The following PEX7 variants were observed in gnomAD, a reference collection of about 807,000 sequenced individuals.
PEX7 encodes the protein peroxisomal biogenesis factor 7, also known as PTS2 receptor.
Under a neutral mutation model 47.5 loss-of-function variants are expected in PEX7, and 34 were observed. That is an observed-to-expected ratio of 0.72 (90% CI 0.54 to 0.95). The LOEUF is 0.95. PEX7 is among the 40% of genes least tolerant of loss of function. The pLI is 0.00. For synonymous variants in PEX7, 141 were observed against 148.8 expected (o/e 0.95, Z 0.38); for missense variants, 394 against 400.3 (o/e 0.98, Z 0.13).
chr6:136,887,175 G>C (rs1329810794), intron 8 of PEX7, among the ~76,000 whole-genome samples: 3 of 151,976 alleles, frequency 2.0e-5, no homozygotes, highest in African/African-American at 7.3e-5. Flanking sequence ...ATTTCATAAG[G>C]AGGCAGCATG....
At chr6:136,832,087 C>T (rs1273473382) in intron 3 of PEX7, among the ~76,000 whole-genome samples, 1 of 152,246 alleles carries the variant, frequency 6.6e-6, no homozygotes, top group Non-Finnish European at 1.5e-5. Context: ...GAGGGCTCCT[C>T]CCTTGCAGCA....
intron 9 of PEX7, among the ~76,000 whole-genome samples, chr6:136,907,627 A>T (rs1442507210): frequency 6.6e-6 from 1 of 152,168 alleles, no homozygotes; most frequent in Admixed American, 6.5e-5. Context: ...AAATAGAGAA[A>T]AAAAGGGTAT....
At chr6:136,865,942 G>A (rs897786930) in intron 5 of PEX7, among the ~76,000 whole-genome samples, 1 of 152,062 alleles carries the variant, frequency 6.6e-6, no homozygotes, top group Non-Finnish European at 1.5e-5. Flanking sequence ...AATTAGCTGG[G>A]CGTGGTGGTG....
At chr6:136,847,064 G>C (rs1774619202) in intron 5 of PEX7, among the ~76,000 whole-genome samples, 2 of 152,166 alleles carry the variant, frequency 1.3e-5, no homozygotes, top group Non-Finnish European at 2.9e-5. Flanking sequence ...TCTCATTGTG[G>C]TTTTGATTTG....
chr6:136,855,244 G>A (rs1774838522), intron 5 of PEX7, among the ~76,000 whole-genome samples: 1 of 152,002 alleles, frequency 6.6e-6, no homozygotes, highest in African/African-American at 2.4e-5. Context: ...ACAATTCCTT[G>A]AACAATTGAT....
At chr6:136,868,492 G>A (rs1282707667) in intron 6 of PEX7, among the ~76,000 whole-genome samples, 1 of 151,944 alleles carries the variant, frequency 6.6e-6, no homozygotes, top group Admixed American at 6.6e-5. Flanking sequence ...GATGACTATA[G>A]TTTCAAACTC....
intron 3 of PEX7, chr6:136,829,999 T>G (rs201395771): frequency 8.5e-6 from 6 of 705,424 alleles, no homozygotes; most frequent in Admixed American, 2.1e-5. Flanking sequence ...TTTTTTTTTT[T>G]CCACCAGTAT....
At chr6:136,837,347 G>T (rs1774406769) in intron 3 of PEX7, among the ~76,000 whole-genome samples, 1 of 33,956 alleles carries the variant, frequency 2.9e-5, no homozygotes, top group Admixed American at 4.2e-4. Context: ...GGGCGACAGA[G>T]TGAGAGTCTG....
intron 3 of PEX7, among the ~76,000 whole-genome samples, chr6:136,836,126 C>A (rs1176737197): frequency 6.6e-6 from 1 of 152,082 alleles, no homozygotes; most frequent in Non-Finnish European, 1.5e-5. Flanking sequence ...ATTATGCAAT[C>A]TTATTTGAGA....
At chr6:136,835,896 A>T (rs1345735431) in intron 3 of PEX7, among the ~76,000 whole-genome samples, 1 of 152,240 alleles carries the variant, frequency 6.6e-6, no homozygotes, top group East Asian at 1.9e-4. Flanking sequence ...AGAAGAGAAA[A>T]TGATAGTTTT....
At chr6:136,839,268 G>GTGA (rs1213498205) in intron 3 of PEX7, among the ~76,000 whole-genome samples, 3 of 152,220 alleles carry the variant, frequency 2.0e-5, no homozygotes, top group Non-Finnish European at 4.4e-5. Context: ...TTAAAAGTCA[G>GTGA]TGACCCTTTC....
rs527371834 is a variant in PEX7, at chr6:136,842,275, G to C, written c.340-3340G>C. Among the ~76,000 whole-genome samples, 269 of 152,300 alleles carry C rather than the reference G, an allele frequency of 1.8e-3. 2 individuals carry two copies. Among genetic ancestry groups the C allele is most frequent in the African/African-American group, 6.3e-3 (261 of 41,566 alleles). On this transcript the variant is annotated intron_variant, in intron 3 of 9. Transcript: ENST00000318471. Reference sequence around the variant, plus strand: ...CTCCCAAAGTGCTGGGATTACAGGCGTGAGCCACCACACTCAGCCTATTTC... The same window carrying C: ...CTCCCAAAGTGCTGGGATTACAGGCCTGAGCCACCACACTCAGCCTATTTC...
At position 136,866,611 on chromosome 6, in the gene PEX7, T is replaced by C. The variant is rs1775076545; in HGVS notation, c.527-16T>C. On this transcript the variant is annotated splice_polypyrimidine_tract_variant and intron_variant, in intron 5 of 9. Coordinates refer to ENST00000318471, the MANE Select transcript of PEX7 (RefSeq NM_000288.4). ...AGTGGTGTGATGGGAAATGATCAAGTCTTCCTTTTTACTAGGTGATCAGAC... is the reference window on the plus strand; with the variant it reads ...AGTGGTGTGATGGGAAATGATCAAGCCTTCCTTTTTACTAGGTGATCAGAC... 6.2e-7 allele frequency: 1 copy of C among 1,604,596 alleles called. No homozygotes were observed. The highest frequency in any genetic ancestry group is 8.5e-7 in the Non-Finnish European group (1 of 1,171,470).
intron 8 of PEX7, among the ~76,000 whole-genome samples, chr6:136,885,336 T>G (rs1210864003): frequency 2.0e-5 from 3 of 152,174 alleles, no homozygotes. Flanking sequence ...TTATCAGTGG[T>G]CTTAATGGCC....
chr6:136,857,300 C>T (rs1311223770), intron 5 of PEX7, among the ~76,000 whole-genome samples: 4 of 152,108 alleles, frequency 2.6e-5, no homozygotes, highest in Non-Finnish European at 5.9e-5. Flanking sequence ...TAGCCAAACA[C>T]GAAAATATTT....
intron 1 of PEX7, 151 bp from the exon 2 acceptor site, chr6:136,825,063 G>T: frequency 1.5e-6 from 1 of 689,100 alleles, no homozygotes; most frequent in Admixed American, 2.3e-5. Flanking sequence ...GGGAGAAATT[G>T]ATCACCTGAC....
chr6:136,837,898 G>A (rs990190862), intron 3 of PEX7, among the ~76,000 whole-genome samples: 4 of 151,806 alleles, frequency 2.6e-5, no homozygotes, highest in African/African-American at 9.7e-5. Context: ...TAGGAAAAAT[G>A]TAGTCACCAT....
intron 3 of PEX7, among the ~76,000 whole-genome samples, chr6:136,841,876 G>GCAC (rs1774507475): frequency 6.7e-6 from 1 of 150,112 alleles, no homozygotes; most frequent in Non-Finnish European, 1.5e-5. Flanking sequence ...ATGAGCCACC[G>GCAC]TGCCTGGTGT....
intron 9 of PEX7, among the ~76,000 whole-genome samples, chr6:136,911,345 A>G (rs1323595252): frequency 6.6e-6 from 1 of 152,130 alleles, no homozygotes; most frequent in Non-Finnish European, 1.5e-5. Flanking sequence ...TTTGCTGAGC[A>G]CATGCTGTTG....
Sources: gnomAD v4.1 joint callset for allele counts (sites outside exome capture counted in the v4.1 genomes callset) on GRCh38, gnomAD v4.1.1 for gene constraint, MANE v1.5 for transcripts, NCBI Gene and HGNC (gene_info 2026-07-23, HGNC 2026-07-21) for gene names.